Variants in CDH2 observed in about 807,000 individuals in gnomAD.
CDH2 encodes the protein cadherin 2.
A neutral mutation model predicts 92.0 loss-of-function variants in CDH2; 17 were observed. The observed-to-expected ratio is 0.18, with a 90% CI of 0.13 to 0.28. The LOEUF is 0.28. CDH2 is among the 10% of genes least tolerant of loss of function. The pLI, the probability that CDH2 is intolerant of heterozygous loss-of-function variation, is 1.00. For synonymous variants in CDH2, 419 were observed against 415.9 expected (o/e 1.01, Z -0.09); for missense variants, 862 against 1,133.1 (o/e 0.76, Z 3.44).
rs2013620282 is a variant in CDH2 at position 28,028,716 on chromosome 18, T to C, written c.173-14807A>G. Among the ~76,000 whole-genome samples the C allele has an allele frequency of 2.0e-5, 3 of 152,136 alleles. 1 individual carries two copies. In the South Asian group the frequency reaches 6.2e-4, roughly 31 times the overall value. ...GAAAGAACTTTGTAAGCTGAAAAGCTGTACTATTCAAGTAAACTATAAGAA... is the reference window on the plus strand; with the variant it reads ...GAAAGAACTTTGTAAGCTGAAAAGCCGTACTATTCAAGTAAACTATAAGAA... On this transcript the variant is annotated intron_variant, in intron 2 of 15. Transcript: ENST00000269141.
chr18:28,046,022 G>T (rs1034237959), intron 2 of CDH2, among the ~76,000 whole-genome samples: 1 of 152,164 alleles, frequency 6.6e-6, no homozygotes, highest in African/African-American at 2.4e-5. Context: ...CACTCCATCA[G>T]AGTTGTGCAG....
intron 2 of CDH2, among the ~76,000 whole-genome samples, chr18:28,092,079 C>A (rs894118255): frequency 1.3e-5 from 2 of 151,868 alleles, no homozygotes. Flanking sequence ...GATCCTCTCT[C>A]CAAATACCAT....
At chr18:28,034,971 C>T (rs1233025837) in intron 2 of CDH2, among the ~76,000 whole-genome samples, 1 of 151,948 alleles carries the variant, frequency 6.6e-6, no homozygotes, top group Non-Finnish European at 1.5e-5. Flanking sequence ...ATAAGGAATA[C>T]AAAACAGGTG....
chr18:28,039,613 CTT>C (rs2013909466), intron 2 of CDH2, among the ~76,000 whole-genome samples: 1 of 152,158 alleles, frequency 6.6e-6, no homozygotes, highest in African/African-American at 2.4e-5. Flanking sequence ...CTAGCTCACA[CTT>C]ACTTTATGGG....
At chr18:28,095,129 A>T (rs2015108670) in intron 2 of CDH2, among the ~76,000 whole-genome samples, 1 of 152,138 alleles carries the variant, frequency 6.6e-6, no homozygotes, top group Non-Finnish European at 1.5e-5. Flanking sequence ...TCCTCCTTGT[A>T]AATGGCCAGG....
At chr18:28,157,815 CTTT>C (rs2016244624) in intron 1 of CDH2, among the ~76,000 whole-genome samples, 1 of 151,928 alleles carries the variant, frequency 6.6e-6, no homozygotes, top group Non-Finnish European at 1.5e-5. Context: ...TCAGGTAAAA[CTTT>C]TTTAAACATT....
At chr18:28,116,270 A>T (rs1599112119) in intron 2 of CDH2, among the ~76,000 whole-genome samples, 1 of 152,180 alleles carries the variant, frequency 6.6e-6, no homozygotes, top group East Asian at 1.9e-4. Flanking sequence ...TAAAAAAGGC[A>T]ACTTGTTAGG....
At chr18:28,164,721 T>C (rs1304357832) in intron 1 of CDH2, among the ~76,000 whole-genome samples, 2 of 152,030 alleles carry the variant, frequency 1.3e-5, no homozygotes, top group East Asian at 1.9e-4. Context: ...TACTAGCATA[T>C]GAAACAATTA....
intron 2 of CDH2, among the ~76,000 whole-genome samples, chr18:28,026,414 T>C (rs537692136): frequency 6.6e-6 from 1 of 152,294 alleles, no homozygotes; most frequent in Non-Finnish European, 1.5e-5. Flanking sequence ...TCTTGGTTAA[T>C]GTCTTTTGAA....
intron 2 of CDH2, among the ~76,000 whole-genome samples, chr18:28,129,351 C>A (rs2015729410): frequency 6.6e-6 from 1 of 152,054 alleles, no homozygotes; most frequent in South Asian, 2.1e-4. Flanking sequence ...TAATATAAGC[C>A]ATCACACTTT....
At chr18:27,974,906 G>A (rs1454485416) in intron 14 of CDH2, among the ~76,000 whole-genome samples, 1 of 152,154 alleles carries the variant, frequency 6.6e-6, no homozygotes, top group Non-Finnish European at 1.5e-5. Context: ...TTGTTTATAA[G>A]CTACACAGTT....
intron 2 of CDH2, among the ~76,000 whole-genome samples, chr18:28,019,265 A>G (rs2013340772): frequency 6.6e-6 from 1 of 151,836 alleles, no homozygotes; most frequent in African/African-American, 2.4e-5. Context: ...GGAACCAAAC[A>G]CCACCTGTTC....
chr18:28,147,636 G>A, intron 2 of CDH2, 37 bp downstream of exon 2: 3 of 1,258,684 alleles, frequency 2.4e-6, no homozygotes, highest in Non-Finnish European at 2.3e-6. Context: ...CATGAGCATG[G>A]ACACTGCATG....
intron 7 of CDH2, among the ~76,000 whole-genome samples, chr18:27,995,313 C>CAAAAAAAAAAAAAAAAAAAAAA (rs34313496): frequency 1.2e-5 from 1 of 80,260 alleles, no homozygotes; most frequent in Non-Finnish European, 2.4e-5. Context: ...GACTCCATCT[C>CAAAAAAAAAAAAAAAAAAAAAA]AAAAAAAAAA....
intron 2 of CDH2, among the ~76,000 whole-genome samples, chr18:28,081,955 T>C (rs1220467735): frequency 6.6e-6 from 1 of 152,194 alleles, no homozygotes; most frequent in Non-Finnish European, 1.5e-5. Flanking sequence ...TCGTCATCTT[T>C]TGAATACCAT....
chr18:28,063,897 T>C (rs958302604), intron 2 of CDH2, among the ~76,000 whole-genome samples: 1 of 152,260 alleles, frequency 6.6e-6, no homozygotes, highest in Non-Finnish European at 1.5e-5. Context: ...CTGTCTATAT[T>C]CTGTAATCTT....
downstream of CDH2, among the ~76,000 whole-genome samples, chr18:27,948,190 A>G (rs567477497): frequency 6.6e-6 from 1 of 150,668 alleles, no homozygotes; most frequent in Non-Finnish European, 1.5e-5. Flanking sequence ...GGTTGGGTTT[A>G]TATTGAAGTT....
chr18:28,102,007 T>C (rs750403764), intron 2 of CDH2, among the ~76,000 whole-genome samples: 1 of 152,122 alleles, frequency 6.6e-6, no homozygotes, highest in Non-Finnish European at 1.5e-5. Flanking sequence ...AATGTGCTGG[T>C]TGAGAAGTTA....
intron 2 of CDH2, among the ~76,000 whole-genome samples, chr18:28,100,765 A>G (rs2015214215): frequency 1.3e-5 from 2 of 152,220 alleles, no homozygotes; most frequent in African/African-American, 4.8e-5. Flanking sequence ...ATGAAACCTA[A>G]GAACTTTTTG....
Sources: allele counts gnomAD v4.1 joint callset (sites outside exome capture counted in the v4.1 genomes callset), GRCh38; gene constraint gnomAD v4.1.1; transcripts MANE v1.5; gene names NCBI Gene and HGNC (gene_info 2026-07-23, HGNC 2026-07-21).